The following KCNC1 variants were observed in gnomAD, a reference collection of about 807,000 sequenced individuals.
KCNC1 encodes the protein potassium voltage-gated channel subfamily C member 1.
In KCNC1, 8 loss-of-function variants were observed where a neutral mutation model predicts 43.4. The observed-to-expected ratio is 0.18, with a 90% CI of 0.11 to 0.33. KCNC1 has a LOEUF of 0.33. Among genes scored for constraint, KCNC1 ranks in the 10% least tolerant of loss-of-function variants. The pLI, the probability that KCNC1 is intolerant of heterozygous loss-of-function variation, is 1.00. For missense variants in KCNC1, 420 were observed against 836.0 expected (o/e 0.50, Z 6.14); for synonymous variants, 361 against 360.5 (o/e 1.00, Z -0.01).
Position 17,772,416 on chromosome 11 carries a change from T to C in KCNC1, c.1322T>C (p.Met441Thr). ...CCCGTCATCGTGAACAATTTCGGGA[T>C]GTATTACTCCTTAGCCATGGCTAAG... ...PVPVIVNNFGMYYSLAMAKQK... is the reference protein window; with the variant it reads ...PVPVIVNNFGTYYSLAMAKQK... Residue 441 changes from methionine to threonine, a missense_variant, in exon 2 of 4, where the codon ATG (methionine) becomes ACG (threonine). Physicochemically the swap from Met to Thr is moderately conservative, Grantham distance 81 (BLOSUM62 -1). Coordinates refer to ENST00000265969, the MANE Select transcript of KCNC1 (RefSeq NM_001112741.2). 2 of 1,614,170 alleles carry C rather than the reference T, an allele frequency of 1.2e-6. No homozygotes were observed. Among genetic ancestry groups the C allele is most frequent in the South Asian group, 1.1e-5 (1 of 91,082 alleles).
chr11:17,738,705 A>G (rs890879822), intron 1 of KCNC1, among the ~76,000 whole-genome samples: 3 of 152,162 alleles, frequency 2.0e-5, no homozygotes, highest in Non-Finnish European at 4.4e-5. Context: ...TTGAGGTTCT[A>G]TTGGTGTGCA....
At position 17,736,638 on chromosome 11, in the gene KCNC1, CA is replaced by C. The variant is rs1848770763; in HGVS notation, c.570+67del. 1.4e-6 allele frequency: 2 copies of C among 1,443,954 alleles called. No homozygotes were observed. The highest frequency in any genetic ancestry group is 1.8e-6 in the Non-Finnish European group (2 of 1,105,522). The allele number at this position is 1,443,954 out of a possible 1,614,324, so 89.4% of individuals were successfully genotyped here. A position where few individuals can be genotyped will look rare whatever the true frequency, so the allele number is the denominator to read the frequency against. On this transcript the variant is annotated intron_variant, in intron 1 of 3. Coordinates refer to ENST00000265969, the MANE Select transcript of KCNC1 (RefSeq NM_001112741.2). This position sits in a 1 kb window ranked among gnomAD's most constrained non-coding sequence, Gnocchi z 9.3. ...GCAGCGTCCTGTGCCTCCCCGCGGGCAGGGGTGGACCGGAGAACTGGCGCCT... is the reference window on the plus strand; with the variant it reads ...GCAGCGTCCTGTGCCTCCCCGCGGGCGGGGTGGACCGGAGAACTGGCGCCT...
intron 2 of KCNC1, chr11:17,774,246 C>T (rs1849261601): frequency 1.0e-6 from 1 of 985,494 alleles, no homozygotes; most frequent in African/African-American, 1.7e-5. Flanking sequence ...CAGGAGCTAC[C>T]AACAGGGCTC....
At chr11:17,764,237 A>G (rs888297829) in intron 1 of KCNC1, among the ~76,000 whole-genome samples, 2 of 148,802 alleles carry the variant, frequency 1.3e-5, no homozygotes, top group Non-Finnish European at 3.0e-5. Context: ...CACACCACAC[A>G]TAGTCCCATA....
chr11:17,737,790 C>A (rs1455702195), intron 1 of KCNC1, among the ~76,000 whole-genome samples: 1 of 152,152 alleles, frequency 6.6e-6, no homozygotes, highest in African/African-American at 2.4e-5. Flanking sequence ...CTGCCTCTGC[C>A]CTGCTGTCTT....
chr11:17,771,651 C>T lies in KCNC1; in HGVS notation c.571-14C>T, dbSNP rs1005589935. 1.3e-6 allele frequency: 2 copies of T among 1,595,216 alleles called. No homozygotes were observed. The highest frequency in any genetic ancestry group is 1.7e-6 in the Non-Finnish European group (2 of 1,166,422). On this transcript the variant is annotated splice_polypyrimidine_tract_variant and intron_variant, in intron 1 of 3. Transcript: ENST00000265969. This position sits in a 1 kb window ranked among gnomAD's most constrained non-coding sequence, Gnocchi z 4.7. Reference sequence around the variant, plus strand: ...GGTGGGCCTCCCTCTGACACTGTGTCTTTATCCCCACAGTATGTGGCCTTC... The same window carrying T: ...GGTGGGCCTCCCTCTGACACTGTGTTTTTATCCCCACAGTATGTGGCCTTC...
At chr11:17,760,201 C>T (rs1284046159) in intron 1 of KCNC1, among the ~76,000 whole-genome samples, 1 of 152,168 alleles carries the variant, frequency 6.6e-6, no homozygotes, top group African/African-American at 2.4e-5. Context: ...GTAAAGGATT[C>T]GCCTAGAATT....
rs1848849671 is a variant in KCNC1 at position 17,742,116 on chromosome 11, TCTAC to T, written c.570+5547_570+5550del. Among the ~76,000 whole-genome samples the T allele has an allele frequency of 6.6e-6, 1 of 152,220 alleles. No individual in the cohort carries two copies. Among genetic ancestry groups the T allele is most frequent in the African/African-American group, 2.4e-5 (1 of 41,468 alleles). On this transcript the variant is annotated intron_variant, in intron 1 of 3. Coordinates refer to ENST00000265969, the MANE Select transcript of KCNC1 (RefSeq NM_001112741.2). The surrounding 1 kb of genome is among the most constrained non-coding windows in gnomAD (Gnocchi z 4.2). ...GAAGTTGAGGCCCAGAGAGGAGTGCTCTACCTGAGGCCCCTCGTGAGCGGGTTAG... is the reference window on the plus strand; with the variant it reads ...GAAGTTGAGGCCCAGAGAGGAGTGCTCTGAGGCCCCTCGTGAGCGGGTTAG...
In KCNC1 at chr11:17,776,991, G is replaced by A; in HGVS notation, c.1505-2465G>A. On this transcript the variant is annotated intron_variant, in intron 2 of 3. Coordinates refer to ENST00000265969, the MANE Select transcript of KCNC1 (RefSeq NM_001112741.2). This position sits in a 1 kb window ranked among gnomAD's most constrained non-coding sequence, Gnocchi z 4.4. Reference sequence around the variant, plus strand: ...TCAAAGGTTAGGGTTGAGAGAAGCAGTAGGCCCTAGGGGTGTCCCGGGAAT... The same window carrying A: ...TCAAAGGTTAGGGTTGAGAGAAGCAATAGGCCCTAGGGGTGTCCCGGGAAT... The A allele has an allele frequency of 2.0e-6, 2 of 985,476 alleles. No homozygotes were observed. The highest frequency in any genetic ancestry group is 2.4e-6 in the Non-Finnish European group (2 of 829,984). 61.0% of individuals were successfully genotyped at this position (985,476 alleles called of 1,614,324 possible).
chr11:17,758,207 A>G (rs555559216), intron 1 of KCNC1, among the ~76,000 whole-genome samples: 4 of 152,344 alleles, frequency 2.6e-5, no homozygotes, highest in East Asian at 1.9e-4. Context: ...TTCTTTGCTT[A>G]TCCATAAGAA....
Position 17,779,693 on chromosome 11 carries a change from C to T in KCNC1, c.1693+49C>T. 2 of 1,385,580 alleles carry T rather than the reference C, an allele frequency of 1.4e-6. No individual in the cohort carries two copies. The highest frequency in any genetic ancestry group is 2.8e-5 in the East Asian group (1 of 35,314). The allele number at this position is 1,385,580 out of a possible 1,614,324, so 85.8% of individuals were successfully genotyped here. ...CGTGCATCGTCCGGGCCGCCTCGCGCTCCTGCAGATGGGTGGGCAGGGCGG... is the reference window on the plus strand; with the variant it reads ...CGTGCATCGTCCGGGCCGCCTCGCGTTCCTGCAGATGGGTGGGCAGGGCGG... On this transcript the variant is annotated intron_variant, in intron 3 of 3. Transcript: ENST00000265969. This position sits in a 1 kb window ranked among gnomAD's most constrained non-coding sequence, Gnocchi z 7.2.
intron 1 of KCNC1, among the ~76,000 whole-genome samples, chr11:17,746,803 T>C (rs756351910): frequency 6.6e-6 from 1 of 152,126 alleles, no homozygotes; most frequent in Non-Finnish European, 1.5e-5. Context: ...CATAGCCCCT[T>C]GAACCATCAG....
Position 17,776,782 on chromosome 11 carries a change from C to A in KCNC1, c.1505-2674C>A. On this transcript the variant is annotated intron_variant, in intron 2 of 3. Transcript: ENST00000265969. The surrounding 1 kb of genome is among the most constrained non-coding windows in gnomAD (Gnocchi z 4.4). The stretch of plus-strand genomic sequence containing the variant: ...CACCTTTGACCCTATTCATGGGTTC[C>A]CCAGATTTATACAGTTGGCCCCTCG... 1.0e-6 allele frequency: 1 copy of A among 985,024 alleles called. No homozygotes were observed. Among genetic ancestry groups the A allele is most frequent in the Non-Finnish European group, 1.2e-6 (1 of 829,872 alleles). The allele number at this position is 985,024 out of a possible 1,614,324, so 61.0% of individuals were successfully genotyped here. A position where few individuals can be genotyped will look rare whatever the true frequency, so the allele number is the denominator to read the frequency against.
In KCNC1 at chr11:17,739,351, G is replaced by C. The variant is rs1043304868; in HGVS notation, c.570+2779G>C. ...GACTTGTGTGTGTGAGAATAAATGT[G>C]AGACTCCAGGCGTGTGTGTGTGTGT... On this transcript the variant is annotated intron_variant, in intron 1 of 3. Transcript: ENST00000265969. This position sits in a 1 kb window ranked among gnomAD's most constrained non-coding sequence, Gnocchi z 4.2. 1.3e-5 allele frequency among the ~76,000 whole-genome samples: 2 copies of C among 149,148 alleles called. No individual in the cohort carries two copies. The highest frequency in any genetic ancestry group is 5.0e-5 in the African/African-American group (2 of 39,858).
At chr11:17,753,208 A>G (rs1274601873) in intron 1 of KCNC1, among the ~76,000 whole-genome samples, 2 of 152,212 alleles carry the variant, frequency 1.3e-5, no homozygotes, top group Admixed American at 1.3e-4. Flanking sequence ...GGCAGTGCAG[A>G]GAGGCAGCAA....
At chr11:17,763,187 G>A (rs1176513760) in intron 1 of KCNC1, among the ~76,000 whole-genome samples, 1 of 152,008 alleles carries the variant, frequency 6.6e-6, no homozygotes, top group Non-Finnish European at 1.5e-5. Flanking sequence ...TCTGGCTCTG[G>A]CTCTCCCCCT....
rs1286143320 is a variant in KCNC1 at position 17,773,870 on chromosome 11, T to C, written c.1504+1272T>C. On this transcript the variant is annotated intron_variant, in intron 2 of 3. Transcript: ENST00000265969. This position sits in a 1 kb window ranked among gnomAD's most constrained non-coding sequence, Gnocchi z 4.1. ...GACGTGACAGGTGGCATTTAGTCTA[T>C]GAAGGACCTCCCCATGCCCAGGTCT... 1 of 985,408 alleles carries C rather than the reference T, an allele frequency of 1.0e-6. No individual in the cohort carries two copies. Among genetic ancestry groups the C allele is most frequent in the African/African-American group, 1.7e-5 (1 of 57,234 alleles). The allele number at this position is 985,408 out of a possible 1,614,324, so 61.0% of individuals were successfully genotyped here. A position where few individuals can be genotyped will look rare whatever the true frequency, so the allele number is the denominator to read the frequency against.
intron 1 of KCNC1, among the ~76,000 whole-genome samples, chr11:17,761,409 C>A (rs1387651984): frequency 1.3e-5 from 2 of 152,234 alleles, no homozygotes; most frequent in Admixed American, 6.5e-5. Flanking sequence ...TCGGCCAGCT[C>A]CCGGAATGCC....
intron 1 of KCNC1, among the ~76,000 whole-genome samples, chr11:17,752,501 A>C (rs957590714): frequency 6.6e-6 from 1 of 152,262 alleles, no homozygotes; most frequent in African/African-American, 2.4e-5. Flanking sequence ...AGACATCTGC[A>C]CACACAGGCT....
Sources: allele counts gnomAD v4.1 joint callset (sites outside exome capture counted in the v4.1 genomes callset), GRCh38; gene constraint gnomAD v4.1.1; non-coding constraint Gnocchi (gnomAD v3.1); transcripts MANE v1.5; gene names NCBI Gene and HGNC (gene_info 2026-07-23, HGNC 2026-07-21).